Variants in MAST4 observed in about 807,000 individuals in gnomAD.
MAST4 encodes the protein microtubule-associated serine/threonine-protein kinase 4.
In MAST4, 89 loss-of-function variants were observed where a neutral mutation model predicts 162.7. The ratio of observed to expected loss-of-function variants is 0.55; its 90% confidence interval spans 0.46 to 0.65. The LOEUF (loss-of-function observed/expected upper bound fraction) is 0.65. MAST4 is among the 30% of genes least tolerant of loss of function. The probability of loss-of-function intolerance (pLI) is 0.00; values close to 1 mark genes in which losing one functional copy is unlikely to be tolerated. For missense variants in MAST4, 3,153 were observed against 3,374.0 expected, an observed-to-expected ratio of 0.93 and a Z score of 1.62; for synonymous variants, 1,479 against 1,361.1, an observed-to-expected ratio of 1.09 and a Z score of -1.91.
Position 67,167,120 on chromosome 5 carries a change from C to A in MAST4, c.*69C>A. On this transcript the variant is annotated 3_prime_UTR_variant, in exon 29 of 29. Coordinates refer to ENST00000403625, the MANE Select transcript of MAST4 (RefSeq NM_001164664.2). ...GGGCGACTGTGTCTTGACTACCTTT[C>A]AAAACCAGCACTGTGTGGGAATGTC... 7.3e-7 allele frequency: 1 copy of A among 1,361,200 alleles called. No individual in the cohort carries two copies. The highest frequency in any genetic ancestry group is 1.5e-5 in the South Asian group (1 of 64,714). The allele number at this position is 1,361,200 out of a possible 1,614,324, so 84.3% of individuals were successfully genotyped here. A position where few individuals can be genotyped will look rare whatever the true frequency, so the allele number is the denominator to read the frequency against.
At chr5:67,046,430 G>A (rs1757376966) in intron 4 of MAST4, among the ~76,000 whole-genome samples, 1 of 152,176 alleles carries the variant, frequency 6.6e-6, no homozygotes, top group Non-Finnish European at 1.5e-5. Context: ...GCAAATTTTT[G>A]TTGTATCTCT....
intron 1 of MAST4, among the ~76,000 whole-genome samples, chr5:66,707,233 A>G (rs372448170): frequency 6.6e-6 from 1 of 152,164 alleles, no homozygotes; most frequent in East Asian, 1.9e-4. Flanking sequence ...TGTGGACTAG[A>G]AATACGTCAC....
chr5:67,126,791 G>A (rs1046545689), intron 14 of MAST4, among the ~76,000 whole-genome samples: 2 of 152,182 alleles, frequency 1.3e-5, no homozygotes, highest in Non-Finnish European at 2.9e-5. Flanking sequence ...AAAGTCAGTG[G>A]CAGCTTGATG....
At chr5:66,896,039 C>T (rs1287539748) in intron 3 of MAST4, among the ~76,000 whole-genome samples, 2 of 152,282 alleles carry the variant, frequency 1.3e-5, no homozygotes, top group East Asian at 3.9e-4. Context: ...AAGTTTTCCA[C>T]TAATGTCCTT....
At chr5:67,078,904 TTA>T (rs1324574672) in intron 5 of MAST4, among the ~76,000 whole-genome samples, 1 of 36,356 alleles carries the variant, frequency 2.8e-5, no homozygotes, top group African/African-American at 1.2e-4. Context: ...TTATATATTT[TTA>T]TATAAATATA....
intron 4 of MAST4, among the ~76,000 whole-genome samples, chr5:66,949,758 G>A (rs1744449994): frequency 6.6e-6 from 1 of 152,118 alleles, no homozygotes. Context: ...TCGTGGTTCT[G>A]ATTTAATTTA....
At chr5:66,762,297 G>T (rs1207027162) in intron 2 of MAST4, among the ~76,000 whole-genome samples, 1 of 152,058 alleles carries the variant, frequency 6.6e-6, no homozygotes, top group African/African-American at 2.4e-5. Context: ...TGTTTTTGAA[G>T]ACAGTTCCTT....
At chr5:66,645,871 C>T (rs1009915320) in intron 1 of MAST4, among the ~76,000 whole-genome samples, 1 of 152,108 alleles carries the variant, frequency 6.6e-6, no homozygotes, top group African/African-American at 2.4e-5. Flanking sequence ...TCCTTTTCCT[C>T]CTTTTCTCAT....
chr5:67,001,831 G>A (rs753430496), intron 4 of MAST4: 1 of 152,156 alleles, frequency 6.6e-6, no homozygotes, highest in Non-Finnish European at 1.5e-5. Flanking sequence ...ATCCACTCTT[G>A]TGTCAGCTCT....
chr5:67,079,661 A>C (rs1478456849), intron 5 of MAST4, among the ~76,000 whole-genome samples: 1 of 152,228 alleles, frequency 6.6e-6, no homozygotes, highest in African/African-American at 2.4e-5. Context: ...TCTTGTAATA[A>C]AAATTAAAAC....
chr5:66,625,845 T>A (rs1008183231), intron 1 of MAST4, among the ~76,000 whole-genome samples: 2 of 152,212 alleles, frequency 1.3e-5, no homozygotes, highest in African/African-American at 4.8e-5. Context: ...ACTCATGTTC[T>A]TAGCATTATT....
rs111646796 is a variant in MAST4 at position 66,612,578 on chromosome 5, A to C, written c.363+15560A>C. 2.9e-3 allele frequency among the ~76,000 whole-genome samples: 444 copies of C among 152,296 alleles called. 1 individual carries two copies. Among genetic ancestry groups the C allele is most frequent in the African/African-American group, 0.01 (422 of 41,556 alleles). ...AAATAATAGATCTGGTCAGGGCCTA[A>C]AGCAGCCTGTAGTTGGGTTTGGAGA... On this transcript the variant is annotated intron_variant, in intron 1 of 28. Coordinates refer to ENST00000403625, the MANE Select transcript of MAST4 (RefSeq NM_001164664.2).
At chr5:67,118,573 G>C (rs1767200670) in intron 12 of MAST4, 109 bp from the exon 13 acceptor site, 1 of 686,532 alleles carries the variant, frequency 1.5e-6, no homozygotes, top group South Asian at 1.9e-5. Flanking sequence ...TTGGAGTATA[G>C]AGCAATTTTT....
chr5:67,015,313 G>A (rs940916932), intron 4 of MAST4, among the ~76,000 whole-genome samples: 3 of 152,246 alleles, frequency 2.0e-5, no homozygotes, highest in Non-Finnish European at 4.4e-5. Context: ...AACAACCCCT[G>A]CTTTTCAAAC....
chr5:66,667,567 T>A (rs1747339859), intron 1 of MAST4, among the ~76,000 whole-genome samples: 1 of 152,204 alleles, frequency 6.6e-6, no homozygotes, highest in African/African-American at 2.4e-5. Flanking sequence ...GATATCCACT[T>A]AGCAACCCCA....
chr5:66,764,776 A>G (rs1754012629), intron 2 of MAST4, among the ~76,000 whole-genome samples: 1 of 152,204 alleles, frequency 6.6e-6, no homozygotes, highest in Admixed American at 6.5e-5. Context: ...TAAGAAGTTT[A>G]TAAAGTAAAA....
intron 4 of MAST4, among the ~76,000 whole-genome samples, chr5:66,965,632 A>T (rs1275677332): frequency 6.6e-6 from 1 of 151,668 alleles, no homozygotes; most frequent in Non-Finnish European, 1.5e-5. Context: ...AGAAAAAAAA[A>T]TCTAGGATGT....
chr5:66,896,480 AAG>A (rs1482456747), intron 3 of MAST4, among the ~76,000 whole-genome samples: 127 of 152,266 alleles, frequency 8.3e-4, no homozygotes, highest in African/African-American at 2.9e-3. Flanking sequence ...CCCACTCTCA[AAG>A]AGAGGAGATT....
chr5:66,963,303 A>G (rs1746250657), intron 4 of MAST4, among the ~76,000 whole-genome samples: 1 of 152,202 alleles, frequency 6.6e-6, no homozygotes, highest in Non-Finnish European at 1.5e-5. Flanking sequence ...CTATGGGGAA[A>G]TGTTAGTTGC....
Sources: gnomAD v4.1 joint callset for allele counts (sites outside exome capture counted in the v4.1 genomes callset) on GRCh38, gnomAD v4.1.1 for gene constraint, MANE v1.5 for transcripts, NCBI Gene and HGNC (gene_info 2026-07-23, HGNC 2026-07-21) for gene names.